ANK3: variants seen among roughly 807,000 people sequenced by gnomAD.
ANK3 encodes the protein ankyrin 3.
Under a neutral mutation model 370.9 loss-of-function variants are expected in ANK3, and 57 were observed. The ratio of observed to expected loss-of-function variants is 0.15; its 90% confidence interval spans 0.12 to 0.19. The LOEUF (loss-of-function observed/expected upper bound fraction) is 0.19, where lower values mean the gene tolerates loss of function less well. Among genes scored for constraint, ANK3 ranks in the 10% least tolerant of loss-of-function variants. The pLI, the probability that ANK3 is intolerant of heterozygous loss-of-function variation, is 1.00. For missense variants in ANK3, 4,439 were observed against 5,302.1 expected, an observed-to-expected ratio of 0.84 and a Z score of 5.06; for synonymous variants, 1,929 against 1,946.3, an observed-to-expected ratio of 0.99 and a Z score of 0.23.
intron 24 of ANK3, among the ~76,000 whole-genome samples, chr10:60,137,557 T>TA (rs1565247543): frequency 6.6e-6 from 1 of 151,966 alleles, no homozygotes; most frequent in African/African-American, 2.4e-5. Flanking sequence ...TATAGATTTT[T>TA]AAAAAATATT....
At chr10:60,381,640 C>T (rs1027855992) in intron 1 of ANK3, among the ~76,000 whole-genome samples, 1 of 152,142 alleles carries the variant, frequency 6.6e-6, no homozygotes, top group Non-Finnish European at 1.5e-5. Flanking sequence ...TGACTACAAT[C>T]CCTCAATGAC....
At chr10:60,237,866 T>G (rs975141860) in intron 7 of ANK3, among the ~76,000 whole-genome samples, 16 of 152,228 alleles carry the variant, frequency 1.1e-4, no homozygotes, top group Non-Finnish European at 2.9e-5. Context: ...TAAATATCAT[T>G]AACCCTATTG....
chr10:60,110,550 A>C (rs2132101577), intron 26 of ANK3, among the ~76,000 whole-genome samples: 1 of 152,298 alleles, frequency 6.6e-6, no homozygotes, highest in African/African-American at 2.4e-5. Context: ...ACTCCTCCCT[A>C]GTCAAAGAAA....
At chr10:60,649,131 C>T (rs1387233143) in intron 1 of ANK3, among the ~76,000 whole-genome samples, 1 of 152,056 alleles carries the variant, frequency 6.6e-6, no homozygotes, top group Non-Finnish European at 1.5e-5. Context: ...TCAAGATACC[C>T]CAACATAGCT....
chr10:60,409,592 T>C (rs2063519432), intron 2 of ANK3, among the ~76,000 whole-genome samples: 1 of 152,186 alleles, frequency 6.6e-6, no homozygotes, highest in Non-Finnish European at 1.5e-5. Context: ...CTTCTGTTTC[T>C]GATGCAGAAC....
At chr10:60,310,089 C>G (rs1459899238) in intron 1 of ANK3, among the ~76,000 whole-genome samples, 1 of 151,850 alleles carries the variant, frequency 6.6e-6, no homozygotes, top group Non-Finnish European at 1.5e-5. Context: ...CTATACCCAG[C>G]TAATTTTTTA....
At chr10:60,245,040 GCACCTGTAGT>G (rs2097532305) in intron 7 of ANK3, among the ~76,000 whole-genome samples, 1 of 152,174 alleles carries the variant, frequency 6.6e-6, no homozygotes, top group Non-Finnish European at 1.5e-5. Flanking sequence ...GTGGTAGCGG[GCACCTGTAGT>G]CCCAGCTACT....
chr10:60,617,394 A>G (rs2078280706), intron 1 of ANK3, among the ~76,000 whole-genome samples: 1 of 152,074 alleles, frequency 6.6e-6, no homozygotes, highest in Non-Finnish European at 1.5e-5. Flanking sequence ...CCTCTCACAG[A>G]CTTTCCCCAG....
chr10:60,261,821 A>C, intron 7 of ANK3, 38 bp downstream of exon 7: 1 of 1,569,552 alleles, frequency 6.4e-7, no homozygotes, highest in Non-Finnish European at 8.8e-7. Context: ...AAATAGTTGC[A>C]AATGCTTTAA....
chr10:60,654,217 T>C (rs564102166), intron 1 of ANK3, among the ~76,000 whole-genome samples: 3 of 152,342 alleles, frequency 2.0e-5, no homozygotes, highest in African/African-American at 7.2e-5. Flanking sequence ...GTAGCTTTTA[T>C]ACATTCCAGG....
chr10:60,682,977 G>C (rs886797949), intron 1 of ANK3, among the ~76,000 whole-genome samples: 1 of 152,138 alleles, frequency 6.6e-6, no homozygotes, highest in Non-Finnish European at 1.5e-5. Flanking sequence ...TTTCAACTGT[G>C]GGGGAAGGAA....
intron 2 of ANK3, among the ~76,000 whole-genome samples, chr10:60,455,841 C>T (rs2064733709): frequency 6.6e-6 from 1 of 152,170 alleles, no homozygotes; most frequent in African/African-American, 2.4e-5. Context: ...TTCATAGAAT[C>T]AGTCCTTCCA....
chr10:60,402,158 C>T (rs2063364517), intron 2 of ANK3, among the ~76,000 whole-genome samples: 1 of 152,018 alleles, frequency 6.6e-6, no homozygotes, highest in Admixed American at 6.6e-5. Flanking sequence ...TAATATTTAC[C>T]AGTGCCACAT....
chr10:60,395,286 G>C (rs998046545), intron 2 of ANK3, among the ~76,000 whole-genome samples: 2 of 152,152 alleles, frequency 1.3e-5, no homozygotes, highest in Non-Finnish European at 2.9e-5. Flanking sequence ...ATTGATTCAT[G>C]TTGAAATAAT....
At chr10:60,401,331 T>TACTAAAC (rs924043372) in intron 2 of ANK3, among the ~76,000 whole-genome samples, 21 of 152,332 alleles carry the variant, frequency 1.4e-4, no homozygotes, top group Admixed American at 7.2e-4. Flanking sequence ...TAGGCAATGA[T>TACTAAAC]ACTAAACTGT....
chr10:60,620,108 C>T (rs2133327969), intron 1 of ANK3, among the ~76,000 whole-genome samples: 1 of 152,274 alleles, frequency 6.6e-6, no homozygotes, highest in South Asian at 2.1e-4. Context: ...TTTATAATAA[C>T]TATATACCAT....
At chr10:60,198,584 T>C (rs1274532218) in intron 13 of ANK3, 47 bp from the exon 14 acceptor site, 3 of 1,562,608 alleles carry the variant, frequency 1.9e-6, no homozygotes, top group Non-Finnish European at 2.6e-6. Context: ...GAGGAAACAA[T>C]GGTGCCTTTA....
rs139794752 is a variant in ANK3 at position 60,452,310 on chromosome 10, T to C, written c.96+162876A>G. ...GATTTCAGTGTAACCACCACAGCTATGTGCACCCTCAGCACGAGAGTTGCT... is the reference window on the plus strand; with the variant it reads ...GATTTCAGTGTAACCACCACAGCTACGTGCACCCTCAGCACGAGAGTTGCT... On this transcript the variant is annotated intron_variant, in intron 2 of 43. Transcript: ENST00000373827. Among the ~76,000 whole-genome samples the C allele has an allele frequency of 1.9e-3, 291 of 152,368 alleles. 2 individuals carry two copies. Among genetic ancestry groups the C allele is most frequent in the African/African-American group, 6.7e-3 (279 of 41,596 alleles).
At chr10:60,400,246 ATT>A in intron 2 of ANK3, among the ~76,000 whole-genome samples, 2 of 152,314 alleles carry the variant, frequency 1.3e-5, no homozygotes, top group African/African-American at 4.8e-5. Context: ...CAGATGCGAT[ATT>A]TGTGTCTATT....
Sources: gnomAD v4.1 joint callset for allele counts (sites outside exome capture counted in the v4.1 genomes callset) on GRCh38, gnomAD v4.1.1 for gene constraint, MANE v1.5 for transcripts, NCBI Gene and HGNC (gene_info 2026-07-23, HGNC 2026-07-21) for gene names.